The following SHTN1 variants were observed in gnomAD, a reference collection of about 807,000 sequenced individuals.
The protein encoded by SHTN1 is shootin 1, also known as shootin-1.
In SHTN1, 42 loss-of-function variants were observed where a neutral mutation model predicts 83.1. The ratio of observed to expected loss-of-function variants is 0.51; its 90% CI spans 0.39 to 0.65. SHTN1 has a LOEUF of 0.65. Ranked by LOEUF, SHTN1 falls within the 30% of genes least tolerant of loss-of-function variation. The pLI is 0.00. For missense variants in SHTN1, 622 were observed against 737.8 expected, an observed-to-expected ratio of 0.84 and a Z score of 1.82; for synonymous variants, 224 against 247.7, an observed-to-expected ratio of 0.90 and a Z score of 0.90.
intron 1 of SHTN1, among the ~76,000 whole-genome samples, chr10:117,081,949 G>C (rs961806549): frequency 1.3e-5 from 2 of 148,730 alleles, no homozygotes; most frequent in African/African-American, 4.9e-5. Context: ...AGTCTTGCTA[G>C]AGGTCTATCA....
intron 2 of SHTN1, among the ~76,000 whole-genome samples, chr10:117,042,516 C>G (rs1298406569): frequency 6.6e-6 from 1 of 152,080 alleles, no homozygotes; most frequent in African/African-American, 2.4e-5. Context: ...AGATAAATAC[C>G]TCCCTTTTTG....
At position 116,901,894 on chromosome 10, in the gene SHTN1, C is replaced by T; in HGVS notation, c.1544G>A (p.Ser515Asn). ...CTTGTTCAAGGCTGTTTTTGTTACACTGGATACAGAACCCAACACTGGCAT... is the reference window on the plus strand; with the variant it reads ...CTTGTTCAAGGCTGTTTTTGTTACATTGGATACAGAACCCAACACTGGCAT... ...KSMPVLGSVSSVTKTALNKKT... is the reference protein window; with the variant it reads ...KSMPVLGSVSNVTKTALNKKT... Residue 515 changes from serine (S) to asparagine (N), a missense_variant, in exon 16 of 17, where the codon AGT becomes AAT. Transcript: ENST00000355371. 1 of 1,608,136 alleles carries T rather than the reference C, an allele frequency of 6.2e-7. No individual in the cohort carries two copies. The highest frequency in any genetic ancestry group is 8.5e-7 in the Non-Finnish European group (1 of 1,177,986).
intron 8 of SHTN1, among the ~76,000 whole-genome samples, chr10:116,941,031 A>G (rs1429911752): frequency 6.6e-6 from 1 of 152,200 alleles, no homozygotes. Context: ...TATGTGATAG[A>G]TATGGTGGGA....
intron 2 of SHTN1, among the ~76,000 whole-genome samples, chr10:117,031,197 G>A (rs759920276): frequency 2.2e-4 from 33 of 152,118 alleles, no homozygotes; most frequent in Non-Finnish European, 3.4e-4. Flanking sequence ...TCAGGAGAGA[G>A]TGACATACTT....
intron 8 of SHTN1, among the ~76,000 whole-genome samples, chr10:116,943,112 G>GTT (rs767345687): frequency 1.3e-5 from 2 of 152,170 alleles, no homozygotes; most frequent in South Asian, 4.1e-4. Flanking sequence ...TGCCAATAAC[G>GTT]TAAGTACCAT....
chr10:116,987,166 GC>G (rs1851248949), intron 1 of SHTN1, among the ~76,000 whole-genome samples: 1 of 152,048 alleles, frequency 6.6e-6, no homozygotes, highest in African/African-American at 2.4e-5. Context: ...CCCAACGCCA[GC>G]CCCCACTAGC....
At position 116,884,584 on chromosome 10, in the gene SHTN1, T is replaced by G. The variant is rs530945138; in HGVS notation, c.*1760A>C. Reference sequence around the variant, plus strand: ...TGGAAAGACAGTGTACATATTTTTATATTCCTAAATGTGTGTGAGTTGCAT... The same window carrying G: ...TGGAAAGACAGTGTACATATTTTTAGATTCCTAAATGTGTGTGAGTTGCAT... On this transcript the variant is annotated 3_prime_UTR_variant, in exon 17 of 17. Coordinates refer to ENST00000355371, the MANE Select transcript of SHTN1 (RefSeq NM_001127211.3). 4.2e-6 allele frequency: 1 copy of G among 240,360 alleles called. No homozygotes were observed. Among genetic ancestry groups the G allele is most frequent in the African/African-American group, 2.3e-5 (1 of 43,944 alleles). 14.9% of individuals were successfully genotyped at this position (240,360 alleles called of 1,614,324 possible). A position where few individuals can be genotyped will look rare whatever the true frequency, so the allele number is the denominator to read the frequency against.
intron 1 of SHTN1, among the ~76,000 whole-genome samples, chr10:117,062,410 T>C (rs1475182476): frequency 3.3e-5 from 5 of 152,150 alleles, no homozygotes; most frequent in South Asian, 2.1e-4. Context: ...AAGTAAGAAA[T>C]TGGACATCAA....
At position 117,046,258 on chromosome 10, in the gene SHTN1, G is replaced by T. The variant is rs188598949; in HGVS notation, c.-123+2187C>A. On this transcript the variant is annotated intron_variant, in intron 2 of 17. Coordinates refer to the SHTN1 transcript ENST00000392901. Reference sequence around the variant, plus strand: ...ATACAAAGAAGCTAGGGTAAAAAATGGCCATTTAGGACATATAAAGGTACT... The same window carrying T: ...ATACAAAGAAGCTAGGGTAAAAAATTGCCATTTAGGACATATAAAGGTACT... Among the ~76,000 whole-genome samples the T allele has an allele frequency of 6.4e-4, 98 of 152,024 alleles. 1 individual carries two copies. The highest frequency in any genetic ancestry group is 2.8e-3 in the Admixed American group (43 of 15,260).
intron 1 of SHTN1, among the ~76,000 whole-genome samples, chr10:117,069,956 A>C (rs1208673472): frequency 6.6e-6 from 1 of 152,156 alleles, no homozygotes; most frequent in African/African-American, 2.4e-5. Context: ...GAGTTCTATA[A>C]AAATTAAGTA....
chr10:116,993,745 G>A (rs1313185632), intron 1 of SHTN1, among the ~76,000 whole-genome samples: 1 of 151,980 alleles, frequency 6.6e-6, no homozygotes, highest in Non-Finnish European at 1.5e-5. Flanking sequence ...GTTTATACAG[G>A]TACTTTTAAA....
intron 1 of SHTN1, among the ~76,000 whole-genome samples, chr10:117,069,809 A>T (rs1177556234): frequency 1.3e-5 from 2 of 152,196 alleles, no homozygotes; most frequent in Admixed American, 6.5e-5. Flanking sequence ...TGGATGAGAC[A>T]GTGATTTATT....
At chr10:116,933,351 T>A (rs1322063361) in intron 9 of SHTN1, among the ~76,000 whole-genome samples, 1 of 151,816 alleles carries the variant, frequency 6.6e-6, no homozygotes, top group Non-Finnish European at 1.5e-5. Flanking sequence ...TGGTGTGTGA[T>A]GTTCCCCTCC....
intron 9 of SHTN1, among the ~76,000 whole-genome samples, chr10:116,932,399 C>T (rs1247622552): frequency 1.3e-5 from 2 of 152,130 alleles, no homozygotes; most frequent in Admixed American, 6.5e-5. Context: ...TCCAGGTTGG[C>T]CGCTCTTTAT....
chr10:116,976,353 G>GC (rs562687589), intron 2 of SHTN1, among the ~76,000 whole-genome samples: 122 of 152,282 alleles, frequency 8.0e-4, no homozygotes, highest in African/African-American at 2.6e-3. Context: ...CACATCCACC[G>GC]CCGCCTCCCA....
chr10:116,951,778 G>A, intron 6 of SHTN1, 131 bp downstream of exon 6: 1 of 435,904 alleles, frequency 2.3e-6, no homozygotes, highest in Non-Finnish European at 4.2e-6. Context: ...TGAAATTGAG[G>A]AGAGAAGATT....
At chr10:116,965,477 AC>A (rs1295844352) in intron 3 of SHTN1, among the ~76,000 whole-genome samples, 1 of 152,234 alleles carries the variant, frequency 6.6e-6, no homozygotes, top group Non-Finnish European at 1.5e-5. Flanking sequence ...AGATCACGCC[AC>A]TGCACTGCAG....
intron 1 of SHTN1, among the ~76,000 whole-genome samples, chr10:117,100,360 T>C (rs1170512298): frequency 6.6e-6 from 1 of 152,182 alleles, no homozygotes; most frequent in Admixed American, 6.5e-5. Context: ...AACCAAGTTG[T>C]TGCCACAGAG....
chr10:117,111,288 ATTTCTTTC>A (rs1004599733), intron 1 of SHTN1, among the ~76,000 whole-genome samples: 1 of 151,388 alleles, frequency 6.6e-6, no homozygotes, highest in African/African-American at 2.4e-5. Flanking sequence ...AAGAATGTGC[ATTTCTTTC>A]TTTCTTTCTT....
Sources: gnomAD v4.1 joint callset for allele counts (sites outside exome capture counted in the v4.1 genomes callset) on GRCh38, gnomAD v4.1.1 for gene constraint, MANE v1.5 for transcripts, NCBI Gene and HGNC (gene_info 2026-07-23, HGNC 2026-07-21) for gene names.